PUS7: variants seen among roughly 807,000 people sequenced by gnomAD.
The protein encoded by PUS7 is pseudouridylate synthase 7 homolog.
Under a neutral mutation model 79.8 loss-of-function variants are expected in PUS7, and 48 were observed. That is an observed-to-expected ratio of 0.60 (90% CI 0.48 to 0.76). The LOEUF (loss-of-function observed/expected upper bound fraction) is 0.76, where lower values mean the gene tolerates loss of function less well. PUS7 is among the 30% of genes least tolerant of loss of function. The probability of loss-of-function intolerance (pLI) is 0.00; values close to 1 mark genes in which losing one functional copy is unlikely to be tolerated. For synonymous variants in PUS7, 286 were observed against 272.2 expected, an observed-to-expected ratio of 1.05 and a Z score of -0.50; for missense variants, 729 against 797.6, an observed-to-expected ratio of 0.91 and a Z score of 1.04.
At chr7:105,502,731 G>A (rs754064888) in intron 4 of PUS7, among the ~76,000 whole-genome samples, 167 bp from the exon 5 acceptor site, 4 of 152,014 alleles carry the variant, frequency 2.6e-5, no homozygotes, top group Admixed American at 6.6e-5. Flanking sequence ...TGACAGTCTC[G>A]CTCTGTCGCT....
intron 7 of PUS7, among the ~76,000 whole-genome samples, chr7:105,483,293 G>C (rs915709281): frequency 2.0e-5 from 3 of 151,868 alleles, no homozygotes. Context: ...CTCCCAAGTA[G>C]CTGGGCTTAC....
At chr7:105,506,595 G>C (rs1825473588) in intron 2 of PUS7, among the ~76,000 whole-genome samples, 1 of 151,828 alleles carries the variant, frequency 6.6e-6, no homozygotes, top group Non-Finnish European at 1.5e-5. Flanking sequence ...GCTAATTTTT[G>C]TATTTTTAGT....
intron 10 of PUS7, among the ~76,000 whole-genome samples, chr7:105,471,758 CA>C (rs1823882042): frequency 6.6e-6 from 1 of 151,936 alleles, no homozygotes. Flanking sequence ...ACTAAAAATA[CA>C]AAATGACCCA....
Position 105,502,534 on chromosome 7 carries a change from T to C in PUS7, c.616A>G (p.Ile206Val), listed in dbSNP as rs755001562. 1.2e-6 allele frequency: 2 copies of C among 1,614,148 alleles called. No individual in the cohort carries two copies. Among genetic ancestry groups the C allele is most frequent in the Non-Finnish European group, 1.7e-6 (2 of 1,180,006 alleles). The change falls in exon 5 of 16, where the codon ATC becomes GTC. Residue 206 changes from isoleucine to valine, a missense_variant. Physicochemically the swap from Ile to Val is conservative, Grantham distance 29. Transcript: ENST00000469408. Reference protein sequence around the residue: ...VIEDTKEKRTIIHQAIKSLFP... With the variant: ...VIEDTKEKRTVIHQAIKSLFP... Reference sequence around the variant, plus strand: ...AGAGATTTGATAGCCTGATGGATGATGGTTCTTTTCTCTTTGGTGTCCTCG... The same window carrying C: ...AGAGATTTGATAGCCTGATGGATGACGGTTCTTTTCTCTTTGGTGTCCTCG...
intron 7 of PUS7, among the ~76,000 whole-genome samples, chr7:105,484,640 G>T (rs1414843420): frequency 3.3e-5 from 5 of 151,524 alleles, no homozygotes; most frequent in Admixed American, 2.6e-4. Context: ...CCAATATGGT[G>T]AAACCCCGTC....
At chr7:105,516,286 A>G (rs1825890747) in intron 1 of PUS7, among the ~76,000 whole-genome samples, 1 of 152,112 alleles carries the variant, frequency 6.6e-6, no homozygotes, top group South Asian at 2.1e-4. Context: ...ATGATTTTTA[A>G]ATCACTTAAT....
chr7:105,486,438 TTGGAG>T (rs1456456731), intron 7 of PUS7, among the ~76,000 whole-genome samples: 1 of 152,152 alleles, frequency 6.6e-6, no homozygotes, highest in African/African-American at 2.4e-5. Context: ...GCCACCCAGG[TTGGAG>T]TGCAGTGGTG....
At chr7:105,499,010 T>C (rs374270225) in intron 5 of PUS7, among the ~76,000 whole-genome samples, 1 of 152,202 alleles carries the variant, frequency 6.6e-6, no homozygotes, top group African/African-American at 2.4e-5. Flanking sequence ...TCCTTAATTA[T>C]GTTCGCTTCT....
At position 105,472,141 on chromosome 7, in the gene PUS7, G is replaced by T; in HGVS notation, c.1228C>A (p.Arg410Ser). 6.3e-7 allele frequency: 1 copy of T among 1,594,436 alleles called. No homozygotes were observed. The highest frequency in any genetic ancestry group is 8.6e-7 in the Non-Finnish European group (1 of 1,164,558). The change falls in exon 10 of 16, where the codon CGC becomes AGC. Residue 410 changes from arginine to serine, a missense_variant. By Grantham distance (110) the Arg-to-Ser change is moderately radical. Transcript: ENST00000469408. ...TEVMDLILKP[R>S]SGAEKGYLVK... ...TGAATTTTATTCTCACCTCCAGAGC[G>T]GGGTTTCAATATTAAATCCATGACT...
chr7:105,501,025 A>C (rs1240762839), intron 5 of PUS7, among the ~76,000 whole-genome samples: 1 of 152,166 alleles, frequency 6.6e-6, no homozygotes, highest in African/African-American at 2.4e-5. Context: ...CTTCCTCTGG[A>C]ACTGCTCAGG....
intron 1 of PUS7, among the ~76,000 whole-genome samples, chr7:105,517,935 G>A (rs958044751): frequency 2.0e-5 from 3 of 152,138 alleles, no homozygotes; most frequent in African/African-American, 7.2e-5. Flanking sequence ...AGATCACAAG[G>A]TCAAAAGTTC....
chr7:105,514,796 A>ATTT (rs1461495782), intron 1 of PUS7, among the ~76,000 whole-genome samples: 4 of 145,656 alleles, frequency 2.7e-5, no homozygotes, highest in South Asian at 2.1e-4. Context: ...ATTCTCTCTC[A>ATTT]TTTTTTTTTT....
intron 1 of PUS7, among the ~76,000 whole-genome samples, chr7:105,510,337 T>C (rs574667075): frequency 6.9e-4 from 105 of 151,872 alleles, no homozygotes; most frequent in Non-Finnish European, 7.5e-4. Context: ...AAATATTGTA[T>C]AACCACGCTT....
At chr7:105,492,332 C>CTT (rs571087893) in intron 6 of PUS7, among the ~76,000 whole-genome samples, 8 of 147,084 alleles carry the variant, frequency 5.4e-5, no homozygotes, top group Middle Eastern at 3.2e-3. Context: ...TAATTCTTCG[C>CTT]TTTTTTTTTT....
At chr7:105,516,481 T>C (rs1825900391) in intron 1 of PUS7, among the ~76,000 whole-genome samples, 1 of 151,954 alleles carries the variant, frequency 6.6e-6, no homozygotes, top group Non-Finnish European at 1.5e-5. Flanking sequence ...TTTGCTCTTG[T>C]TGCCCAGGCT....
chr7:105,479,537 GTC>G (rs1420032415), intron 9 of PUS7, among the ~76,000 whole-genome samples: 2 of 152,194 alleles, frequency 1.3e-5, no homozygotes, highest in African/African-American at 4.8e-5. Context: ...ATGTAACAGA[GTC>G]TCTGCTGGGC....
chr7:105,520,943 G>C (rs535162386), intron 1 of PUS7, among the ~76,000 whole-genome samples: 9 of 152,100 alleles, frequency 5.9e-5, no homozygotes, highest in African/African-American at 2.2e-4. Context: ...AGGAGTTCAA[G>C]GCTGCAGTGA....
chr7:105,521,449 C>T (rs1826107262), intron 1 of PUS7, among the ~76,000 whole-genome samples: 1 of 152,226 alleles, frequency 6.6e-6, no homozygotes, highest in Admixed American at 6.5e-5. Context: ...ATTCACCCAG[C>T]TTGAGGGCTG....
chr7:105,469,737 G>A (rs950732523), intron 11 of PUS7, among the ~76,000 whole-genome samples: 1 of 152,220 alleles, frequency 6.6e-6, no homozygotes, highest in African/African-American at 2.4e-5. Flanking sequence ...TGGAATTACA[G>A]GCGTGAGCCA....
Sources: allele counts gnomAD v4.1 joint callset (sites outside exome capture counted in the v4.1 genomes callset), GRCh38; gene constraint gnomAD v4.1.1; transcripts MANE v1.5; gene names NCBI Gene and HGNC (gene_info 2026-07-23, HGNC 2026-07-21).